CCDC102B: variants seen among roughly 807,000 people sequenced by gnomAD.
The protein encoded by CCDC102B is coiled-coil domain containing 102B, also known as coiled-coil domain-containing protein 102B.
CCDC102B carries 75 observed loss-of-function variants against 57.4 expected under a neutral mutation model. That is an observed-to-expected ratio of 1.31 (90% CI 1.08 to 1.58). The LOEUF (loss-of-function observed/expected upper bound fraction) is 1.58. Among genes scored for constraint, CCDC102B ranks in the 40% most tolerant of loss-of-function variants. CCDC102B has a pLI of 0.00. For missense variants in CCDC102B, 636 were observed against 582.6 expected, an observed-to-expected ratio of 1.09 and a Z score of -0.94; for synonymous variants, 206 against 201.9, an observed-to-expected ratio of 1.02 and a Z score of -0.17.
Position 68,782,075 on chromosome 18 carries a change from ATAGCAGTC to A in CCDC102B, c.-66-41289_-66-41282del, listed in dbSNP as rs1488857846. On this transcript the variant is annotated intron_variant, in intron 2 of 3. Coordinates refer to the CCDC102B transcript ENST00000578970. ...AATGCAATTTCTCTTTGAAGAAGCA[ATAGCAGTC>A]TTGTTCTTTTACTGCCCTATCAAAT... Among the ~76,000 whole-genome samples, 9 of 152,254 alleles carry A rather than the reference ATAGCAGTC, an allele frequency of 5.9e-5. No homozygotes were observed. The East Asian group carries it at 1.5e-3, about 26-fold the overall frequency.
intron 2 of CCDC102B, among the ~76,000 whole-genome samples, chr18:68,733,891 TGTA>T (rs2033009203): frequency 6.6e-6 from 1 of 152,202 alleles, no homozygotes; most frequent in Admixed American, 6.5e-5. Flanking sequence ...GCTGGAACTA[TGTA>T]GTTCAGCATC....
intron 1 of CCDC102B, among the ~76,000 whole-genome samples, chr18:68,809,720 G>A (rs530969011): frequency 2.6e-5 from 4 of 152,088 alleles, no homozygotes; most frequent in South Asian, 2.1e-4. Flanking sequence ...AGAATTTCAC[G>A]GCTGGAACAT....
chr18:68,883,608 T>G (rs1283750906), intron 5 of CCDC102B, among the ~76,000 whole-genome samples: 16 of 152,178 alleles, frequency 1.1e-4, no homozygotes, highest in Admixed American at 1.0e-3. Flanking sequence ...GTTTTTTATC[T>G]GGAAAAATTG....
chr18:68,918,993 T>A (rs2041175430), intron 6 of CCDC102B, among the ~76,000 whole-genome samples: 1 of 152,030 alleles, frequency 6.6e-6, no homozygotes, highest in African/African-American at 2.4e-5. Context: ...GAATATACAT[T>A]ATCACATCTA....
intron 2 of CCDC102B, among the ~76,000 whole-genome samples, chr18:68,769,794 G>A (rs899873001): frequency 4.6e-5 from 7 of 152,196 alleles, no homozygotes; most frequent in African/African-American, 1.7e-4. Context: ...AACTGAGGCT[G>A]TAGAGATAGA....
At position 68,837,023 on chromosome 18, in the gene CCDC102B, A is replaced by G; in HGVS notation, c.260A>G (p.Gln87Arg). 1 of 1,614,218 alleles carries G rather than the reference A, an allele frequency of 6.2e-7. No individual in the cohort carries two copies. Among genetic ancestry groups the G allele is most frequent in the South Asian group, 1.1e-5 (1 of 91,088 alleles). Reference sequence around the variant, plus strand: ...GAAGAAGTCAAGGCCAGAGCTGCTCAGATGGAAAAGACCATGCGGTGGTGG... The same window carrying G: ...GAAGAAGTCAAGGCCAGAGCTGCTCGGATGGAAAAGACCATGCGGTGGTGG... ...ELEEVKARAAQMEKTMRWWSD... is the reference protein window; with the variant it reads ...ELEEVKARAARMEKTMRWWSD... The change falls in exon 2 of 8, where the codon CAG becomes CGG. Residue 87 changes from glutamine to arginine, a missense_variant. Gln to Arg is a conservative substitution (Grantham distance 43). Coordinates refer to ENST00000360242, the MANE Select transcript of CCDC102B (RefSeq NM_024781.3).
In CCDC102B at chr18:68,748,205, GGTGTGTGTGTGTGT is replaced by G. The variant is rs5825872; in HGVS notation, c.-67+31650_-67+31663del. ...TAGGTACTTTGTCCATTATTAAACT[GGTGTGTGTGTGTGT>G]GTGTGTGTGTGTGTGTGTGTGTGTG... is the stretch of plus-strand genomic sequence containing the variant. On this transcript the variant is annotated intron_variant, in intron 2 of 3. Transcript: ENST00000578970. Among the ~76,000 whole-genome samples, 259 of 137,588 alleles carry G rather than the reference GGTGTGTGTGTGTGT, an allele frequency of 1.9e-3. 1 individual carries two copies. Among genetic ancestry groups the G allele is most frequent in the African/African-American group, 4.4e-3 (166 of 37,512 alleles). 90.3% of individuals were successfully genotyped at this position (137,588 alleles called of 152,430 possible).
chr18:68,857,897 G>A (rs145251629), intron 4 of CCDC102B, among the ~76,000 whole-genome samples: 5 of 152,120 alleles, frequency 3.3e-5, no homozygotes, highest in Admixed American at 6.6e-5. Context: ...TGCATGTATC[G>A]TTACACTCTG....
chr18:68,852,636 TTAGA>T (rs2038182585), intron 4 of CCDC102B, among the ~76,000 whole-genome samples: 1 of 152,164 alleles, frequency 6.6e-6, no homozygotes, highest in Admixed American at 6.5e-5. Context: ...ATTTCTGATA[TTAGA>T]TTGATTGAAT....
At chr18:68,978,783 C>T (rs557478298) in intron 6 of CCDC102B, among the ~76,000 whole-genome samples, 1 of 151,938 alleles carries the variant, frequency 6.6e-6, no homozygotes, top group African/African-American at 2.4e-5. Context: ...TACAGAAGTA[C>T]AAAAGATACC....
At chr18:68,994,601 C>T (rs1267229124) in intron 6 of CCDC102B, among the ~76,000 whole-genome samples, 5 of 151,782 alleles carry the variant, frequency 3.3e-5, no homozygotes, top group African/African-American at 7.3e-5. Flanking sequence ...GTTCTTCTGA[C>T]AGTGAGTTCT....
intron 4 of CCDC102B, among the ~76,000 whole-genome samples, chr18:68,846,680 A>G (rs1001913010): frequency 2.6e-5 from 4 of 151,788 alleles, no homozygotes; most frequent in African/African-American, 9.7e-5. Context: ...ATCTTATTCT[A>G]TATATTTAAG....
chr18:68,854,250 G>C (rs7229216), intron 4 of CCDC102B, among the ~76,000 whole-genome samples: 1 of 151,724 alleles, frequency 6.6e-6, no homozygotes, highest in South Asian at 2.1e-4. Flanking sequence ...ACAGGTGCCC[G>C]CCACCACACC....
At chr18:68,808,058 CATCTA>C (rs1271274025) in intron 1 of CCDC102B, among the ~76,000 whole-genome samples, 2 of 152,114 alleles carry the variant, frequency 1.3e-5, no homozygotes, top group Admixed American at 1.3e-4. Context: ...ATTACAAACT[CATCTA>C]TAAGTTTCAT....
At chr18:68,829,225 A>G (rs2037043109) in intron 1 of CCDC102B, among the ~76,000 whole-genome samples, 1 of 152,154 alleles carries the variant, frequency 6.6e-6, no homozygotes, top group Non-Finnish European at 1.5e-5. Flanking sequence ...ATACAAAATA[A>G]AGTTTAACAT....
At chr18:68,972,812 T>G (rs556414479) in intron 6 of CCDC102B, among the ~76,000 whole-genome samples, 2 of 152,296 alleles carry the variant, frequency 1.3e-5, no homozygotes, top group African/African-American at 4.8e-5. Flanking sequence ...TTTTAAAGTA[T>G]TATCTTTCTC....
chr18:68,860,467 AACAAAAAC>A (rs1161691110), intron 4 of CCDC102B, among the ~76,000 whole-genome samples: 6 of 81,278 alleles, frequency 7.4e-5, no homozygotes, highest in African/African-American at 2.1e-4. Context: ...AAAAAACAAA[AACAAAAAC>A]AAAAAAAAAA....
At chr18:69,013,319 G>C (rs536374776) in intron 7 of CCDC102B, among the ~76,000 whole-genome samples, 95 of 152,142 alleles carry the variant, frequency 6.2e-4, no homozygotes, top group Admixed American at 1.4e-3. Context: ...ACAAGATGGA[G>C]ATAAATAATG....
chr18:68,901,584 A>T (rs563561140), intron 6 of CCDC102B, among the ~76,000 whole-genome samples: 157 of 152,310 alleles, frequency 1.0e-3, no homozygotes, highest in African/African-American at 3.7e-3. Context: ...TAGGAAAAAA[A>T]TATGTGGAAA....
Sources: gnomAD v4.1 joint callset for allele counts (sites outside exome capture counted in the v4.1 genomes callset) on GRCh38, gnomAD v4.1.1 for gene constraint, MANE v1.5 for transcripts, NCBI Gene and HGNC (gene_info 2026-07-23, HGNC 2026-07-21) for gene names.